Variants in PCDHA13 observed in about 807,000 individuals in gnomAD.
The protein encoded by PCDHA13 is protocadherin alpha-13.
Under a neutral mutation model 64.8 loss-of-function variants are expected in PCDHA13, and 54 were observed. The observed-to-expected ratio is 0.83, with a 90% CI of 0.67 to 1.04. The LOEUF (loss-of-function observed/expected upper bound fraction) is 1.04. PCDHA13 is among the 50% of genes least tolerant of loss of function. PCDHA13 has a pLI of 0.00. For synonymous variants in PCDHA13, 587 were observed against 564.4 expected (o/e 1.04, Z -0.57); for missense variants, 1,248 against 1,254.3 (o/e 0.99, Z 0.08).
intron 1 of PCDHA13, among the ~76,000 whole-genome samples, chr5:140,956,765 C>T (rs2095308216): frequency 6.6e-6 from 1 of 152,134 alleles, no homozygotes; most frequent in Non-Finnish European, 1.5e-5. Flanking sequence ...AGCTGTAAAT[C>T]TGTCTGGTCC....
In PCDHA13 at chr5:140,996,437, G is replaced by A. The variant is rs1013018828; in HGVS notation, c.2543-13190G>A. On this transcript the variant is annotated intron_variant, in intron 3 of 3. Coordinates refer to ENST00000289272, the MANE Select transcript of PCDHA13 (RefSeq NM_018904.3). Reference sequence around the variant, plus strand: ...AGTGTGAAAACTTTGGGAATAGTCAGTGTCAAGTTGTGGTGCTAAGGGAGG... The same window carrying A: ...AGTGTGAAAACTTTGGGAATAGTCAATGTCAAGTTGTGGTGCTAAGGGAGG... Among the ~76,000 whole-genome samples the A allele has an allele frequency of 4.6e-5, 7 of 152,224 alleles. 1 individual carries two copies. The highest frequency in any genetic ancestry group is 2.6e-4 in the Admixed American group (4 of 15,280).
At chr5:140,979,836 T>C (rs1463731318) in intron 2 of PCDHA13, among the ~76,000 whole-genome samples, 2 of 152,216 alleles carry the variant, frequency 1.3e-5, no homozygotes, top group Non-Finnish European at 2.9e-5. Flanking sequence ...GAAGAAATAA[T>C]CTTCAAACTT....
At chr5:140,946,801 G>C (rs2094030166) in intron 1 of PCDHA13, among the ~76,000 whole-genome samples, 1 of 151,430 alleles carries the variant, frequency 6.6e-6, no homozygotes, top group African/African-American at 2.4e-5. Flanking sequence ...TAGAAGCAGA[G>C]AGTATAACAG....
intron 1 of PCDHA13, among the ~76,000 whole-genome samples, chr5:140,902,016 T>C (rs541579348): frequency 1.3e-5 from 2 of 152,274 alleles, no homozygotes; most frequent in South Asian, 4.1e-4. Context: ...TTGGGACATA[T>C]AGAAATACTA....
In PCDHA13 at chr5:140,882,197, G is replaced by T; in HGVS notation, c.-72G>T. On this transcript the variant is annotated 5_prime_UTR_variant, in exon 1 of 4. Transcript: ENST00000289272. ...TCCGCACTAGGAAGCCATAAAAATT[G>T]GGCCTTGAGAGACAGTTTGAGGTAA... 2 of 1,521,690 alleles carry T rather than the reference G, an allele frequency of 1.3e-6. No homozygotes were observed. The highest frequency in any genetic ancestry group is 1.8e-6 in the Non-Finnish European group (2 of 1,135,352). The allele number at this position is 1,521,690 out of a possible 1,614,324, so 94.3% of individuals were successfully genotyped here.
chr5:141,011,299 CTGAA>C lies in PCDHA13; in HGVS notation c.*1364_*1367del, dbSNP rs1554263406. ...TTTAGTTTTCCTTTTCTATAACACT[CTGAA>C]TTGCTAATCTTACTAACACCTATGA... is the stretch of plus-strand genomic sequence containing the variant. On this transcript the variant is annotated 3_prime_UTR_variant, in exon 4 of 4. Coordinates refer to ENST00000289272, the MANE Select transcript of PCDHA13 (RefSeq NM_018904.3). 1 of 153,768 alleles carries C rather than the reference CTGAA, an allele frequency of 6.5e-6. No homozygotes were observed. Among genetic ancestry groups the C allele is most frequent in the East Asian group, 1.9e-4 (1 of 5,198 alleles). The allele number at this position is 153,768 out of a possible 1,614,324, so 9.5% of individuals were successfully genotyped here.
intron 1 of PCDHA13, among the ~76,000 whole-genome samples, chr5:140,947,840 T>C (rs1554218335): frequency 6.6e-6 from 1 of 151,630 alleles, no homozygotes; most frequent in Non-Finnish European, 1.5e-5. Context: ...TAATATTTGT[T>C]TATTTATTTT....
chr5:140,927,127 G>C (rs1202029150), intron 1 of PCDHA13: 1 of 1,613,964 alleles, frequency 6.2e-7, no homozygotes, highest in Non-Finnish European at 8.5e-7. Context: ...GGTGGTCAGA[G>C]AGCCGGCGGA....
chr5:141,010,697 C>T lies in PCDHA13; in HGVS notation c.*760C>T, dbSNP rs1163164861. The T allele has an allele frequency of 6.3e-6, 1 of 158,698 alleles. No homozygotes were observed. 9.8% of individuals were successfully genotyped at this position (158,698 alleles called of 1,614,324 possible). A position where few individuals can be genotyped will look rare whatever the true frequency, so the allele number is the denominator to read the frequency against. On this transcript the variant is annotated 3_prime_UTR_variant, in exon 4 of 4. Coordinates refer to ENST00000289272, the MANE Select transcript of PCDHA13 (RefSeq NM_018904.3). ...AACAGAAGCAGATCTGATGTGTTTCCTATACATGTCCTGTGCTCACTTTAT... is the reference window on the plus strand; with the variant it reads ...AACAGAAGCAGATCTGATGTGTTTCTTATACATGTCCTGTGCTCACTTTAT...
intron 1 of PCDHA13, among the ~76,000 whole-genome samples, chr5:140,962,845 C>G (rs2095712902): frequency 6.6e-6 from 1 of 152,172 alleles, no homozygotes; most frequent in African/African-American, 2.4e-5. Flanking sequence ...TATTATATAA[C>G]TTGTGCTCGG....
At chr5:140,899,974 C>A (rs2067653485) in intron 1 of PCDHA13, among the ~76,000 whole-genome samples, 1 of 151,766 alleles carries the variant, frequency 6.6e-6, no homozygotes, top group Non-Finnish European at 1.5e-5. Context: ...TGCCCAGCTA[C>A]TTTTTTGATT....
At chr5:140,976,470 G>A (rs1388811059) in intron 1 of PCDHA13, among the ~76,000 whole-genome samples, 3 of 152,116 alleles carry the variant, frequency 2.0e-5, no homozygotes, top group Non-Finnish European at 4.4e-5. Context: ...AGAATTGCTT[G>A]AATCCGGGAG....
At chr5:140,917,690 G>C (rs2078307385) in intron 1 of PCDHA13, among the ~76,000 whole-genome samples, 1 of 152,108 alleles carries the variant, frequency 6.6e-6, no homozygotes, top group African/African-American at 2.4e-5. Context: ...TTTTGTTGAA[G>C]ATCAGATAAT....
At chr5:140,941,406 T>C (rs1381146519) in intron 1 of PCDHA13, among the ~76,000 whole-genome samples, 1 of 146,240 alleles carries the variant, frequency 6.8e-6, no homozygotes, top group Non-Finnish European at 1.5e-5. Context: ...AACCTCCGCC[T>C]CCCGGGTTCA....
intron 1 of PCDHA13, among the ~76,000 whole-genome samples, chr5:140,921,890 G>A (rs1167996919): frequency 1.3e-5 from 2 of 151,710 alleles, no homozygotes; most frequent in African/African-American, 2.4e-5. Flanking sequence ...ATTTTAGAAA[G>A]GAGGATAAAT....
At chr5:140,894,740 AT>A (rs1157881854) in intron 1 of PCDHA13, among the ~76,000 whole-genome samples, 3 of 150,972 alleles carry the variant, frequency 2.0e-5, no homozygotes, top group Non-Finnish European at 3.0e-5. Flanking sequence ...AATTTGTGGA[AT>A]TTTTTTTCTT....
At chr5:140,996,355 G>A (rs1164124431) in intron 3 of PCDHA13, among the ~76,000 whole-genome samples, 1 of 152,218 alleles carries the variant, frequency 6.6e-6, no homozygotes, top group Non-Finnish European at 1.5e-5. Flanking sequence ...ACCAAAGTCA[G>A]AAGCCATTTT....
chr5:140,883,098 T>C lies in PCDHA13; in HGVS notation c.830T>C (p.Ile277Thr), dbSNP rs369154076. 21 of 1,614,014 alleles carry C rather than the reference T, an allele frequency of 1.3e-5. No homozygotes were observed. In the East Asian group the frequency reaches 4.0e-4, roughly 31 times the overall value. The change falls in exon 1 of 4, where the codon ATA becomes ACA. Residue 277 changes from isoleucine to threonine, a missense_variant. Physicochemically the swap from Ile to Thr is moderately conservative, Grantham distance 89. Coordinates refer to ENST00000289272, the MANE Select transcript of PCDHA13 (RefSeq NM_018904.3). ...CCTGATGATGGTACAAATGGAGATA[T>C]AGTTTACTCATTTAGAAGGCCTGTA... is the stretch of plus-strand genomic sequence containing the variant. ...TDPDDGTNGD[I>T]VYSFRRPVWP...
intron 3 of PCDHA13, among the ~76,000 whole-genome samples, chr5:140,996,553 A>C (rs868960335): frequency 1.3e-5 from 2 of 152,172 alleles, no homozygotes; most frequent in African/African-American, 2.4e-5. Flanking sequence ...TGCTGTCACT[A>C]TCTTGAAGTT....
Sources: allele counts gnomAD v4.1 joint callset (sites outside exome capture counted in the v4.1 genomes callset), GRCh38; gene constraint gnomAD v4.1.1; transcripts MANE v1.5; gene names NCBI Gene and HGNC (gene_info 2026-07-23, HGNC 2026-07-21).